The following CASP4 variants were observed in gnomAD, a reference collection of about 807,000 sequenced individuals.
CASP4 encodes caspase-4.
In CASP4, 29 loss-of-function variants were observed where a neutral mutation model predicts 41.3. That is an observed-to-expected ratio of 0.70 (90% confidence interval 0.52 to 0.96). The LOEUF is 0.96. CASP4 is among the 40% of genes least tolerant of loss of function. The pLI, the probability that CASP4 is intolerant of heterozygous loss-of-function variation, is 0.00. For synonymous variants in CASP4, 185 were observed against 158.4 expected (o/e 1.17, Z -1.26); for missense variants, 447 against 460.6 (o/e 0.97, Z 0.27).
chr11:104,958,960 CAAAAAAAAAAAAAAAAA>C (rs56678254), intron 1 of CASP4, among the ~76,000 whole-genome samples: 3 of 62,466 alleles, frequency 4.8e-5, no homozygotes, highest in Admixed American at 2.5e-4. Flanking sequence ...GACTCTGTCT[CAAAAAAAAAAAAAAAAA>C]AAAAAAAAAA....
intron 7 of CASP4, among the ~76,000 whole-genome samples, chr11:104,945,407 C>T (rs1860432241): frequency 6.6e-6 from 1 of 152,056 alleles, no homozygotes; most frequent in Admixed American, 6.5e-5. Flanking sequence ...TGCCCACCAC[C>T]ACGCCTAGCT....
At chr11:104,947,790 G>C (rs1197055297) in intron 6 of CASP4, 1 of 152,178 alleles carries the variant, frequency 6.6e-6, no homozygotes, top group Non-Finnish European at 1.5e-5. Flanking sequence ...TAAGAGAGTA[G>C]ATTTTATGCT....
chr11:104,954,795 G>A lies in CASP4; in HGVS notation c.214C>T (p.Leu72Phe). ...TCTATGTTAAAAAAGGTTTGAAGAA[G>A]CATTTGTCCTGCCATACGTTGCTTC... is the stretch of plus-strand genomic sequence containing the variant. The part of the protein sequence containing the change: ...QEKQRMAGQM[L>F]LQTFFNIDQI... Residue 72 changes from leucine (L) to phenylalanine (F), a missense_variant, in exon 2 of 9, where the codon CTT (leucine) becomes TTT (phenylalanine). Coordinates refer to ENST00000444739, the MANE Select transcript of CASP4 (RefSeq NM_001225.4). The A allele has an allele frequency of 3.7e-6, 6 of 1,613,664 alleles. No individual in the cohort carries two copies. Among genetic ancestry groups the A allele is most frequent in the African/African-American group, 1.3e-5 (1 of 75,018 alleles).
In CASP4 at chr11:104,944,364, C is replaced by T. The variant is rs373983963; in HGVS notation, c.*5+384G>A. 2.8e-3 allele frequency: 279 copies of T among 101,128 alleles called. 1 individual carries two copies. The highest frequency in any genetic ancestry group is 9.6e-3 in the African/African-American group (268 of 28,062). 6.3% of individuals were successfully genotyped at this position (101,128 alleles called of 1,614,324 possible). A position where few individuals can be genotyped will look rare whatever the true frequency, so the allele number is the denominator to read the frequency against. ...TTAGTGTCTCTCTCTCTCTCTCTCT[C>T]TCTCTGTGTGTGTGTGTGTGTGTGT... On this transcript the variant is annotated intron_variant, in intron 8 of 8. Transcript: ENST00000444739.
intron 3 of CASP4, 122 bp from the exon 4 acceptor site, chr11:104,951,220 A>G: frequency 1.3e-6 from 1 of 749,790 alleles, no homozygotes; most frequent in East Asian, 2.6e-5. Context: ...CTTGTATCAA[A>G]AGACACTGAC....
At chr11:104,946,172 A>G (rs1860454283) in intron 7 of CASP4, among the ~76,000 whole-genome samples, 1 of 152,142 alleles carries the variant, frequency 6.6e-6, no homozygotes, top group South Asian at 2.1e-4. Flanking sequence ...TATAAACGCC[A>G]GAGGTGTATC....
At chr11:104,947,371 C>T (rs1447554724) in intron 6 of CASP4, 179 bp from the exon 7 acceptor site, 3 of 402,788 alleles carry the variant, frequency 7.4e-6, no homozygotes, top group Non-Finnish European at 1.3e-5. Context: ...AAACAGAAAA[C>T]CTAGCAAAAG....
intron 8 of CASP4, chr11:104,944,344 GTC>G (rs71037288): frequency 0.22 from 31,627 of 141,476 alleles, 3,443 homozygotes; most frequent in Admixed American, 0.29. Context: ...GCTACTTAGT[GTC>G]TCTCTCTCTC....
At chr11:104,945,546 G>A (rs616877) in intron 7 of CASP4, among the ~76,000 whole-genome samples, 141,525 of 152,234 alleles carry the variant, frequency 0.93, 66,696 homozygotes, top group East Asian at 1. Flanking sequence ...GTGAGCCACC[G>A]TGCCCAGCCC....
intron 2 of CASP4, among the ~76,000 whole-genome samples, chr11:104,952,238 T>C (rs1459658703): frequency 6.6e-6 from 1 of 152,122 alleles, no homozygotes; most frequent in African/African-American, 2.4e-5. Flanking sequence ...GGAAAACATG[T>C]CAATGATGTT....
intron 3 of CASP4, chr11:104,951,458 T>G (rs1449630117): frequency 1.2e-5 from 3 of 242,260 alleles, no homozygotes; most frequent in Non-Finnish European, 2.4e-5. Context: ...TTCGGAAGCA[T>G]AGCTATTTTG....
intron 1 of CASP4, among the ~76,000 whole-genome samples, chr11:104,958,959 TCA>T (rs1860798981): frequency 3.6e-5 from 1 of 27,854 alleles, no homozygotes; most frequent in Non-Finnish European, 6.3e-5. Flanking sequence ...AGACTCTGTC[TCA>T]AAAAAAAAAA....
At chr11:104,953,413 C>T (rs1196636968) in intron 2 of CASP4, among the ~76,000 whole-genome samples, 1 of 152,110 alleles carries the variant, frequency 6.6e-6, no homozygotes, top group Non-Finnish European at 1.5e-5. Context: ...CATTCTGAAG[C>T]CTCTATTACT....
chr11:104,957,066 C>T, intron 1 of CASP4, among the ~76,000 whole-genome samples: 1 of 151,808 alleles, frequency 6.6e-6, no homozygotes, highest in East Asian at 1.9e-4. Context: ...AGCAATTCGC[C>T]AACAAAAAGA....
intron 1 of CASP4, among the ~76,000 whole-genome samples, chr11:104,964,249 TA>T (rs1860924786): frequency 6.6e-6 from 1 of 152,184 alleles, no homozygotes; most frequent in Non-Finnish European, 1.5e-5. Flanking sequence ...CAGATAACTT[TA>T]AAAATTGTGC....
intron 1 of CASP4, among the ~76,000 whole-genome samples, chr11:104,967,748 A>G (rs1203682378): frequency 6.6e-6 from 1 of 152,174 alleles, no homozygotes; most frequent in Non-Finnish European, 1.5e-5. Context: ...TTGCTGCGAT[A>G]TGTTATAAGG....
At chr11:104,956,148 A>G (rs184284262) in intron 1 of CASP4, among the ~76,000 whole-genome samples, 223 of 152,272 alleles carry the variant, frequency 1.5e-3, no homozygotes, top group Middle Eastern at 3.4e-3. Flanking sequence ...AATTTAAATC[A>G]TTATTATAAT....
At chr11:104,948,771 T>C in intron 5 of CASP4, 95 bp from the exon 6 acceptor site, 1 of 1,138,862 alleles carries the variant, frequency 8.8e-7, no homozygotes, top group East Asian at 2.4e-5. Flanking sequence ...TCATTCTTAC[T>C]AGTTTCATAC....
At chr11:104,943,522 C>T (rs1182677212) in intron 8 of CASP4, 3 of 152,444 alleles carry the variant, frequency 2.0e-5, no homozygotes, top group African/African-American at 7.2e-5. Context: ...ATCCATCATT[C>T]TGTGTTTTCC....
Sources: gnomAD v4.1 joint callset for allele counts (sites outside exome capture counted in the v4.1 genomes callset) on GRCh38, gnomAD v4.1.1 for gene constraint, MANE v1.5 for transcripts, NCBI Gene and HGNC (gene_info 2026-07-23, HGNC 2026-07-21) for gene names.